The following DCP2 variants were observed in gnomAD, a reference collection of about 807,000 sequenced individuals.
The protein encoded by DCP2 is decapping mRNA 2, also known as m7GpppN-mRNA hydrolase.
In DCP2, 30 loss-of-function variants were observed where a neutral mutation model predicts 56.1. That is an observed-to-expected ratio of 0.53 (90% CI 0.40 to 0.73). The LOEUF is 0.73. Ranked by LOEUF, DCP2 falls within the 30% of genes least tolerant of loss-of-function variation. The pLI, the probability that DCP2 is intolerant of heterozygous loss-of-function variation, is 0.00. For synonymous variants in DCP2, 197 were observed against 163.3 expected, an observed-to-expected ratio of 1.21 and a Z score of -1.57; for missense variants, 533 against 502.7, an observed-to-expected ratio of 1.06 and a Z score of -0.58.
At chr5:112,997,636 G>A (rs1187809709) in intron 4 of DCP2, among the ~76,000 whole-genome samples, 3 of 148,898 alleles carry the variant, frequency 2.0e-5, no homozygotes, top group African/African-American at 7.4e-5. Context: ...TTGAGACGGA[G>A]TCTTGTTCTG....
chr5:112,997,572 A>G (rs914985921), intron 4 of DCP2, among the ~76,000 whole-genome samples: 2 of 151,674 alleles, frequency 1.3e-5, no homozygotes, highest in African/African-American at 4.8e-5. Flanking sequence ...TTGTCTTTGT[A>G]CACTGCTGCT....
In DCP2 at chr5:113,013,564, C is replaced by T. The variant is rs540122362; in HGVS notation, c.*80C>T. The T allele has an allele frequency of 8.6e-6, 13 of 1,510,622 alleles. No homozygotes were observed. The Admixed American group carries it at 2.4e-4, about 28-fold the overall frequency. The allele number at this position is 1,510,622 out of a possible 1,614,324, so 93.6% of individuals were successfully genotyped here. ...GGGTGTCTCCTCAAGCCTTACCTTTCTCAGGTGTTTTAAAGAAATGCAGGG... is the reference window on the plus strand; with the variant it reads ...GGGTGTCTCCTCAAGCCTTACCTTTTTCAGGTGTTTTAAAGAAATGCAGGG... On this transcript the variant is annotated 3_prime_UTR_variant, in exon 11 of 11. Transcript: ENST00000389063.
At chr5:112,988,318 TAAAA>T (rs71224870) in intron 2 of DCP2, among the ~76,000 whole-genome samples, 1 of 136,708 alleles carries the variant, frequency 7.3e-6, no homozygotes, top group Non-Finnish European at 1.6e-5. Flanking sequence ...CCGTCTCTAC[TAAAA>T]AAAAAAAAAA....
intron 9 of DCP2, chr5:113,008,243 C>T (rs938121456): frequency 2.3e-6 from 1 of 437,848 alleles, no homozygotes; most frequent in Non-Finnish European, 4.1e-6. Flanking sequence ...AATGTTGATG[C>T]AATTGTACAT....
At chr5:113,007,568 G>A (rs1305078672) in intron 8 of DCP2, among the ~76,000 whole-genome samples, 3 of 151,904 alleles carry the variant, frequency 2.0e-5, no homozygotes, top group Non-Finnish European at 2.9e-5. Flanking sequence ...GCCCGGATAA[G>A]TTTTTGTATT....
rs1749858250 is a variant in DCP2, at chr5:113,015,708, T to G, written c.*2224T>G. ...TGAGTTAAAGTTTATGTGTGTGATG[T>G]GACTTAACTATGCAGAAAATATTTA... On this transcript the variant is annotated 3_prime_UTR_variant, in exon 11 of 11. Transcript: ENST00000389063. 1 of 152,684 alleles carries G rather than the reference T, an allele frequency of 6.5e-6. No individual in the cohort carries two copies. Among genetic ancestry groups the G allele is most frequent in the Admixed American group, 6.5e-5 (1 of 15,288 alleles). The allele number at this position is 152,684 out of a possible 1,614,324, so 9.5% of individuals were successfully genotyped here.
At chr5:113,007,075 T>G (rs1057245293) in intron 8 of DCP2, among the ~76,000 whole-genome samples, 1 of 151,814 alleles carries the variant, frequency 6.6e-6, no homozygotes, top group African/African-American at 2.4e-5. Flanking sequence ...GAGGTGGAGG[T>G]TGCAGAGAGC....
At chr5:113,009,282 A>T (rs1011393368) in intron 9 of DCP2, among the ~76,000 whole-genome samples, 1 of 152,240 alleles carries the variant, frequency 6.6e-6, no homozygotes, top group African/African-American at 2.4e-5. Context: ...TGTCTAGAAG[A>T]ACTTTGAATA....
chr5:112,978,455 A>T (rs1049597701), intron 1 of DCP2, among the ~76,000 whole-genome samples: 3 of 152,202 alleles, frequency 2.0e-5, no homozygotes, highest in Middle Eastern at 3.2e-3. Context: ...AAGATTTCAC[A>T]CCTATTCCTT....
At chr5:113,000,673 C>G (rs1219171709) in intron 4 of DCP2, among the ~76,000 whole-genome samples, 2 of 152,158 alleles carry the variant, frequency 1.3e-5, no homozygotes, top group Admixed American at 6.5e-5. Flanking sequence ...TTGGAATGCT[C>G]AGACAGCTTG....
At chr5:113,007,863 A>G in intron 8 of DCP2, 75 bp from the exon 9 acceptor site, 3 of 1,313,062 alleles carry the variant, frequency 2.3e-6, no homozygotes, top group East Asian at 5.0e-5. Context: ...CCAGCTAAAC[A>G]TATTCATGGG....
chr5:113,002,084 T>C (rs1005434251), intron 7 of DCP2, among the ~76,000 whole-genome samples: 4 of 152,180 alleles, frequency 2.6e-5, no homozygotes, highest in Non-Finnish European at 5.9e-5. Context: ...GATGCTAATG[T>C]AGTTTGTTAA....
At chr5:112,991,296 A>G (rs774930577) in intron 2 of DCP2, among the ~76,000 whole-genome samples, 2 of 152,230 alleles carry the variant, frequency 1.3e-5, no homozygotes, top group African/African-American at 2.4e-5. Flanking sequence ...ATCATAAATT[A>G]TCATTTTCTC....
intron 2 of DCP2, among the ~76,000 whole-genome samples, chr5:112,991,403 C>A (rs950283957): frequency 6.6e-6 from 1 of 152,114 alleles, no homozygotes; most frequent in Non-Finnish European, 1.5e-5. Flanking sequence ...TTGGATTTTA[C>A]TTACTTTACT....
In DCP2 at chr5:113,022,030, A is replaced by T. The variant is rs1418739837; in HGVS notation, c.*8546A>T. The stretch of plus-strand genomic sequence containing the variant: ...ATTTCATGTAAGCATCATGGATTTG[A>T]TATTTGCCTGCATGTATATCACAGT... On this transcript the variant is annotated 3_prime_UTR_variant, in exon 11 of 11. Coordinates refer to ENST00000389063, the MANE Select transcript of DCP2 (RefSeq NM_152624.6). The T allele has an allele frequency of 6.6e-6, 1 of 152,206 alleles. No individual in the cohort carries two copies. The highest frequency in any genetic ancestry group is 2.1e-4 in the South Asian group (1 of 4,834). 9.4% of individuals were successfully genotyped at this position (152,206 alleles called of 1,614,324 possible).
At chr5:112,988,993 A>G (rs1322755219) in intron 2 of DCP2, among the ~76,000 whole-genome samples, 2 of 152,246 alleles carry the variant, frequency 1.3e-5, no homozygotes, top group Non-Finnish European at 2.9e-5. Context: ...TTAACTAAGA[A>G]TAGCTACATG....
At chr5:113,004,432 A>T (rs183086112) in intron 8 of DCP2, among the ~76,000 whole-genome samples, 9 of 152,294 alleles carry the variant, frequency 5.9e-5, no homozygotes, top group African/African-American at 1.9e-4. Flanking sequence ...TTCGATTTTC[A>T]TTGTTGTATT....
intron 8 of DCP2, among the ~76,000 whole-genome samples, chr5:113,006,632 A>T (rs1366143610): frequency 6.6e-6 from 1 of 151,994 alleles, no homozygotes; most frequent in Non-Finnish European, 1.5e-5. Context: ...ATATATATAT[A>T]TTTTAGAAGT....
chr5:113,007,792 C>G, intron 8 of DCP2, 146 bp from the exon 9 acceptor site: 1 of 606,948 alleles, frequency 1.6e-6, no homozygotes, highest in South Asian at 2.5e-5. Flanking sequence ...TAAGAAAATA[C>G]ATTGATAGGG....
Sources: allele counts gnomAD v4.1 joint callset (sites outside exome capture counted in the v4.1 genomes callset), GRCh38; gene constraint gnomAD v4.1.1; transcripts MANE v1.5; gene names NCBI Gene and HGNC (gene_info 2026-07-23, HGNC 2026-07-21).